The following CSTPP1 variants were observed in gnomAD, a reference collection of about 807,000 sequenced individuals.
CSTPP1 encodes centriolar satellite-associated tubulin polyglutamylase complex regulator 1, also known as UPF0705 protein C11orf49.
At chr11:47,073,536 A>G in the CSTPP1 span, among the ~76,000 whole-genome samples, 2 of 152,082 alleles carry the variant, frequency 1.3e-5, no homozygotes, top group African/African-American at 4.8e-5. Context: ...TTTTTTTGAG[A>G]AATATTTTAA....
At chr11:47,125,513 A>G in the CSTPP1 span, among the ~76,000 whole-genome samples, 2 of 152,244 alleles carry the variant, frequency 1.3e-5, no homozygotes, top group African/African-American at 4.8e-5. Context: ...GAAAAGAAGG[A>G]AAATGCATTT....
the CSTPP1 span, chr11:47,161,400 A>C: frequency 1.2e-6 from 2 of 1,601,986 alleles, no homozygotes; most frequent in Admixed American, 1.8e-5. Context: ...AAGAGTGGGC[A>C]TGGAGGCCCT....
the CSTPP1 span, among the ~76,000 whole-genome samples, chr11:47,075,501 C>G: frequency 6.6e-6 from 1 of 152,144 alleles, no homozygotes; most frequent in Non-Finnish European, 1.5e-5. Context: ...CGGTGGACAG[C>G]AGAAGCATAA....
chr11:47,082,212 T>C, the CSTPP1 span, among the ~76,000 whole-genome samples: 1 of 150,984 alleles, frequency 6.6e-6, no homozygotes, highest in East Asian at 1.9e-4. Flanking sequence ...CAGAAAGATG[T>C]TCTTACAATC....
the CSTPP1 span, among the ~76,000 whole-genome samples, chr11:47,075,468 A>G: frequency 6.6e-6 from 1 of 152,242 alleles, no homozygotes. Flanking sequence ...ACAGGAAATA[A>G]TAGATATCCA....
chr11:47,073,443 G>A, the CSTPP1 span, among the ~76,000 whole-genome samples: 2 of 152,084 alleles, frequency 1.3e-5, no homozygotes, highest in African/African-American at 2.4e-5. Flanking sequence ...CCTGTAATCC[G>A]AGCACTTTGG....
the CSTPP1 span, among the ~76,000 whole-genome samples, chr11:46,965,299 A>G: frequency 2.1e-5 from 3 of 142,596 alleles, no homozygotes; most frequent in Admixed American, 7.5e-5. Flanking sequence ...AATCTCGGGT[A>G]ACTCTACCTC....
At chr11:46,963,784 CAA>C in the CSTPP1 span, among the ~76,000 whole-genome samples, 53 of 105,162 alleles carry the variant, frequency 5.0e-4, no homozygotes, top group Admixed American at 5.1e-4. Flanking sequence ...GACTCTGTAT[CAA>C]AAAAAAAAAA....
chr11:46,989,708 G>A, the CSTPP1 span, among the ~76,000 whole-genome samples: 1 of 152,124 alleles, frequency 6.6e-6, no homozygotes, highest in Non-Finnish European at 1.5e-5. Flanking sequence ...TAGATACAGG[G>A]AATACATGTG....
At chr11:46,962,387 T>A in the CSTPP1 span, among the ~76,000 whole-genome samples, 1 of 152,248 alleles carries the variant, frequency 6.6e-6, no homozygotes, top group East Asian at 1.9e-4. Flanking sequence ...AATTTGTTCT[T>A]CTTTTTCGAG....
the CSTPP1 span, among the ~76,000 whole-genome samples, chr11:47,057,967 T>G: frequency 6.6e-6 from 1 of 152,142 alleles, no homozygotes; most frequent in Non-Finnish European, 1.5e-5. Context: ...CAAAATTCAA[T>G]AATCTTTAAA....
chr11:47,161,028 C>T, the CSTPP1 span: 16 of 1,499,960 alleles, frequency 1.1e-5, no homozygotes, highest in South Asian at 1.3e-4. Flanking sequence ...CTCGCAGGGT[C>T]AGCAGAACAG....
At chr11:47,162,244 G>GTAAC in the CSTPP1 span, 3 of 985,398 alleles carry the variant, frequency 3.0e-6, no homozygotes, top group African/African-American at 3.5e-5. Context: ...CTCATGTCTG[G>GTAAC]TAACTGGTGA....
chr11:47,078,342 A>G, the CSTPP1 span, among the ~76,000 whole-genome samples: 1 of 152,210 alleles, frequency 6.6e-6, no homozygotes, highest in Non-Finnish European at 1.5e-5. Context: ...GAGTGAATGA[A>G]TGGGTAGTAA....
chr11:46,997,979 G>A, the CSTPP1 span, among the ~76,000 whole-genome samples: 8 of 152,196 alleles, frequency 5.3e-5, no homozygotes, highest in Non-Finnish European at 1.0e-4. Context: ...CTACTGGGAG[G>A]TGCTTACCAG....
At chr11:47,062,358 T>G in the CSTPP1 span, among the ~76,000 whole-genome samples, 1 of 152,222 alleles carries the variant, frequency 6.6e-6, no homozygotes, top group Non-Finnish European at 1.5e-5. Context: ...GATAGATTAT[T>G]GAATGGATTA....
the CSTPP1 span, among the ~76,000 whole-genome samples, chr11:47,031,354 T>C: frequency 1.3e-5 from 2 of 152,300 alleles, no homozygotes; most frequent in Middle Eastern, 3.4e-3. Context: ...ATTATTAATT[T>C]TTAACACAGC....
At chr11:47,085,337 C>CT in the CSTPP1 span, among the ~76,000 whole-genome samples, 1 of 152,104 alleles carries the variant, frequency 6.6e-6, no homozygotes, top group East Asian at 1.9e-4. Flanking sequence ...TATTAAAAGG[C>CT]TTTTTTAAAA....
the CSTPP1 span, among the ~76,000 whole-genome samples, chr11:47,061,963 C>T: frequency 6.6e-6 from 1 of 152,008 alleles, no homozygotes; most frequent in African/African-American, 2.4e-5. Flanking sequence ...CTTACGCAAG[C>T]ATTCCTGGAA....
Sources: allele counts gnomAD v4.1 joint callset (sites outside exome capture counted in the v4.1 genomes callset), GRCh38; gene constraint gnomAD v4.1.1; transcripts MANE v1.5; gene names NCBI Gene and HGNC (gene_info 2026-07-23, HGNC 2026-07-21).